XIRP2: variants seen among roughly 807,000 people sequenced by gnomAD.
XIRP2 encodes xin actin-binding repeat-containing protein 2.
In XIRP2, 236 loss-of-function variants were observed where a neutral mutation model predicts 277.0. The ratio of observed to expected loss-of-function variants is 0.85; its 90% CI spans 0.77 to 0.95. The LOEUF is 0.95. XIRP2 is among the 40% of genes least tolerant of loss of function. The pLI is 0.00. For synonymous variants in XIRP2, 1,490 were observed against 1,416.5 expected (o/e 1.05, Z -1.17); for missense variants, 4,640 against 4,157.5 (o/e 1.12, Z -3.19).
At chr2:166,951,018 A>G (rs1329439341) in intron 2 of XIRP2, among the ~76,000 whole-genome samples, 3 of 152,098 alleles carry the variant, frequency 2.0e-5, no homozygotes, top group African/African-American at 7.2e-5. Flanking sequence ...GAGACAAAAT[A>G]TCTAGCATTT....
At chr2:167,128,653 C>T (rs867080938) in intron 2 of XIRP2, among the ~76,000 whole-genome samples, 2 of 152,088 alleles carry the variant, frequency 1.3e-5, no homozygotes, top group Non-Finnish European at 2.9e-5. Context: ...AATCTAATCC[C>T]GCCACCCCCA....
intron 3 of XIRP2, among the ~76,000 whole-genome samples, chr2:167,164,324 TA>T (rs1463405574): frequency 1.3e-5 from 2 of 151,560 alleles, no homozygotes; most frequent in Non-Finnish European, 2.9e-5. Context: ...CCGGCGCCTG[TA>T]GTCCCAGCTA....
intron 2 of XIRP2, among the ~76,000 whole-genome samples, chr2:167,080,652 T>G (rs900291603): frequency 6.6e-6 from 1 of 152,220 alleles, no homozygotes; most frequent in African/African-American, 2.4e-5. Flanking sequence ...AAATATATTT[T>G]TATTAAATGG....
intron 2 of XIRP2, among the ~76,000 whole-genome samples, chr2:166,955,910 T>G (rs1041750640): frequency 3.3e-5 from 5 of 151,786 alleles, no homozygotes; most frequent in Non-Finnish European, 7.4e-5. Context: ...TAAATTTGTC[T>G]TCACTAAGTT....
rs778319361 is a variant in XIRP2, at chr2:167,249,059, A to G, written c.7667A>G (p.Glu2556Gly). 1 of 1,611,888 alleles carries G rather than the reference A, an allele frequency of 6.2e-7. No individual in the cohort carries two copies. Among genetic ancestry groups the G allele is most frequent in the South Asian group, 1.1e-5 (1 of 90,506 alleles). Residue 2556 changes from glutamate to glycine, a missense_variant, in exon 9 of 11, where the codon GAA becomes GGA. By Grantham distance (98) the Glu-to-Gly change is moderately conservative. Coordinates refer to ENST00000409195, the MANE Select transcript of XIRP2 (RefSeq NM_152381.6). Reference sequence around the variant, plus strand: ...GAAGAAAAATATAGACAACAAAAAGAAGAAATTGAAAAACAGAAACAGGAG... The same window carrying G: ...GAAGAAAAATATAGACAACAAAAAGGAGAAATTGAAAAACAGAAACAGGAG... ...IAEEKYRQQK[E>G]EIEKQKQESS...
intron 2 of XIRP2, among the ~76,000 whole-genome samples, chr2:167,091,786 G>A (rs1043709422): frequency 1.4e-4 from 21 of 152,072 alleles, no homozygotes; most frequent in African/African-American, 5.1e-4. Context: ...GCTGCTATAG[G>A]TATTAAACAT....
Position 167,249,395 on chromosome 2 carries a change from A to G in XIRP2, c.8003A>G (p.Gln2668Arg). ...TTACAAAGCTCAAGGGACATTATGC[A>G]ATCCAAATCAGCTTGCGAAATTAAA... is the stretch of plus-strand genomic sequence containing the variant. ...EVLQSSRDIM[Q>R]SKSACEIKQS... Residue 2668 changes from glutamine (Q) to arginine (R), a missense_variant, in exon 9 of 11, where the codon CAA becomes CGA. Physicochemically the swap from Gln to Arg is conservative, Grantham distance 43. Coordinates refer to ENST00000409195, the MANE Select transcript of XIRP2 (RefSeq NM_152381.6). 1 of 1,613,798 alleles carries G rather than the reference A, an allele frequency of 6.2e-7. No homozygotes were observed. The highest frequency in any genetic ancestry group is 8.5e-7 in the Non-Finnish European group (1 of 1,179,852).
chr2:167,000,965 C>T (rs776496270), intron 2 of XIRP2, among the ~76,000 whole-genome samples: 9 of 151,980 alleles, frequency 5.9e-5, no homozygotes, highest in Non-Finnish European at 8.8e-5. Flanking sequence ...TAGGATAGCT[C>T]GAGACCAGGA....
At chr2:167,221,406 G>A (rs1227161040) in intron 5 of XIRP2, among the ~76,000 whole-genome samples, 3 of 142,452 alleles carry the variant, frequency 2.1e-5, no homozygotes, top group Non-Finnish European at 4.5e-5. Flanking sequence ...ATTGCGGTGA[G>A]CCGAGATGGT....
intron 2 of XIRP2, among the ~76,000 whole-genome samples, chr2:167,023,695 C>T (rs913460902): frequency 1.3e-5 from 2 of 152,020 alleles, no homozygotes; most frequent in African/African-American, 4.8e-5. Context: ...TTTCCCAGCA[C>T]CATTTATTAA....
At chr2:166,894,132 A>G (rs1684180050) in intron 1 of XIRP2, among the ~76,000 whole-genome samples, 1 of 152,144 alleles carries the variant, frequency 6.6e-6, no homozygotes, top group Non-Finnish European at 1.5e-5. Flanking sequence ...TTATAATTAG[A>G]CATAAACTCA....
chr2:167,085,639 C>T (rs953231156), intron 2 of XIRP2, among the ~76,000 whole-genome samples: 1 of 152,038 alleles, frequency 6.6e-6, no homozygotes, highest in African/African-American at 2.4e-5. Context: ...GTATTGGGTG[C>T]ATATATATTT....
At chr2:166,942,555 T>C (rs562919497) in intron 2 of XIRP2, among the ~76,000 whole-genome samples, 1 of 152,344 alleles carries the variant, frequency 6.6e-6, no homozygotes, top group East Asian at 1.9e-4. Flanking sequence ...TATGTTATGC[T>C]CCTTCCATAA....
rs1456895639 is a variant in XIRP2 at position 167,248,960 on chromosome 2, C to G, written c.7568C>G (p.Ser2523Ter). The G allele has an allele frequency of 6.2e-7, 1 of 1,613,730 alleles. No homozygotes were observed. Among genetic ancestry groups the G allele is most frequent in the Non-Finnish European group, 8.5e-7 (1 of 1,179,788 alleles). ...KQIAPLIKSH[S>*]FPESSGQQNP... ...ATTGCGCCTCTTATAAAATCTCATT[C>G]ATTTCCAGAGAGTTCAGGACAACAA... The change falls in exon 9 of 11, where the codon TCA (serine) becomes TGA (stop). Residue 2523 changes from serine to a stop codon, truncating the protein, a stop_gained. Transcript: ENST00000409195. LOFTEE classifies it high-confidence loss of function.
chr2:166,939,695 A>AC (rs1370746178), intron 2 of XIRP2, among the ~76,000 whole-genome samples: 2 of 136,024 alleles, frequency 1.5e-5, no homozygotes, highest in African/African-American at 2.7e-5. Context: ...AAAAAAAAAA[A>AC]AAACAAAAAA....
At chr2:166,970,388 G>T (rs1686548611) in intron 2 of XIRP2, among the ~76,000 whole-genome samples, 1 of 151,790 alleles carries the variant, frequency 6.6e-6, no homozygotes, top group African/African-American at 2.4e-5. Context: ...ATGAGTTTTT[G>T]GCAAGATTTC....
Position 167,254,279 on chromosome 2 carries a change from C to T in XIRP2, c.*39+114C>T, listed in dbSNP as rs568503919. The T allele has an allele frequency of 4.4e-4, 527 of 1,209,514 alleles. 1 individual carries two copies. The highest frequency in any genetic ancestry group is 5.5e-4 in the Non-Finnish European group (506 of 922,572). The allele number at this position is 1,209,514 out of a possible 1,614,324, so 74.9% of individuals were successfully genotyped here. A position where few individuals can be genotyped will look rare whatever the true frequency, so the allele number is the denominator to read the frequency against. On this transcript the variant is annotated intron_variant, in intron 10 of 10. Coordinates refer to ENST00000409195, the MANE Select transcript of XIRP2 (RefSeq NM_152381.6). ...CAGATCTTGTTGCTGCGTCAGTTAA[C>T]ACAACCACACAGGGAGATTTGCTCA...
chr2:167,076,489 A>G (rs1307024985), intron 2 of XIRP2, among the ~76,000 whole-genome samples: 1 of 152,236 alleles, frequency 6.6e-6, no homozygotes, highest in East Asian at 1.9e-4. Flanking sequence ...AAATGATTCA[A>G]GAAATAATAG....
chr2:167,057,537 C>CT (rs1477107073), intron 2 of XIRP2, among the ~76,000 whole-genome samples: 1 of 152,088 alleles, frequency 6.6e-6, no homozygotes, highest in Non-Finnish European at 1.5e-5. Context: ...TAAACAGTTG[C>CT]TAAAATTATT....
Sources: allele counts gnomAD v4.1 joint callset (sites outside exome capture counted in the v4.1 genomes callset), GRCh38; gene constraint gnomAD v4.1.1; transcripts MANE v1.5; gene names NCBI Gene and HGNC (gene_info 2026-07-23, HGNC 2026-07-21).